DMXL2: variants seen among roughly 807,000 people sequenced by gnomAD.
The protein encoded by DMXL2 is Dmx like 2.
DMXL2 carries 103 observed loss-of-function variants against 331.1 expected under a neutral mutation model. The observed-to-expected ratio is 0.31, with a 90% CI of 0.27 to 0.37. DMXL2 has a LOEUF of 0.37. Among genes scored for constraint, DMXL2 ranks in the 10% least tolerant of loss-of-function variants. DMXL2 has a pLI of 1.00. For synonymous variants in DMXL2, 1,281 were observed against 1,252.1 expected, an observed-to-expected ratio of 1.02 and a Z score of -0.49; for missense variants, 3,171 against 3,642.9, an observed-to-expected ratio of 0.87 and a Z score of 3.33.
intron 22 of DMXL2, among the ~76,000 whole-genome samples, chr15:51,487,733 C>T (rs1350944716): frequency 6.6e-6 from 1 of 152,196 alleles, no homozygotes; most frequent in African/African-American, 2.4e-5. Flanking sequence ...GCTGGGATTA[C>T]AGGCGTGAGC....
At chr15:51,507,951 A>T (rs1280938043) in intron 15 of DMXL2, among the ~76,000 whole-genome samples, 1 of 152,208 alleles carries the variant, frequency 6.6e-6, no homozygotes, top group African/African-American at 2.4e-5. Context: ...GATTCTTCAT[A>T]ACTGAAAATG....
intron 6 of DMXL2, among the ~76,000 whole-genome samples, chr15:51,553,591 C>T (rs577973123): frequency 1.3e-5 from 2 of 152,200 alleles, no homozygotes; most frequent in Non-Finnish European, 2.9e-5. Flanking sequence ...CCACCCAAGA[C>T]AGCAAGACCA....
intron 1 of DMXL2, among the ~76,000 whole-genome samples, chr15:51,592,030 C>A (rs1469251622): frequency 1.3e-5 from 2 of 152,226 alleles, no homozygotes; most frequent in African/African-American, 4.8e-5. Context: ...CAAAGGAAAG[C>A]AGCTCCTCAT....
intron 14 of DMXL2, 82 bp downstream of exon 14, chr15:51,516,996 T>C: frequency 2.8e-6 from 3 of 1,064,852 alleles, no homozygotes; most frequent in Non-Finnish European, 4.2e-6. Context: ...AAAATTATTC[T>C]GAGAATGACA....
intron 2 of DMXL2, among the ~76,000 whole-genome samples, chr15:51,569,517 C>CG (rs2050518783): frequency 1.3e-5 from 2 of 152,184 alleles, no homozygotes; most frequent in African/African-American, 4.8e-5. Context: ...CCCTGACCCC[C>CG]CCGTGTACCC....
chr15:51,449,047 C>G lies in DMXL2; in HGVS notation c.9114G>C (p.Thr3038=). The G allele has an allele frequency of 5.6e-6, 9 of 1,614,162 alleles. No individual in the cohort carries two copies. Among genetic ancestry groups the G allele is most frequent in the Non-Finnish European group, 5.9e-6 (7 of 1,180,024 alleles). ...CATTGGGCAAAACCCTGGTTTTCAG[C>G]GTGCCATCTGCACCACAGGAGAAGA... is the stretch of plus-strand genomic sequence containing the variant. ...NRLFSCGADG[T]LKTRVLPNAF... Residue 3038 remains threonine, a synonymous_variant, in exon 44 of 44, where the codon ACG becomes ACC. Transcript: ENST00000560891.
chr15:51,535,601 C>A (rs2048244633), intron 13 of DMXL2, 62 bp downstream of exon 13: 2 of 1,482,580 alleles, frequency 1.3e-6, no homozygotes, highest in Non-Finnish European at 1.8e-6. Flanking sequence ...AGGTCCTAGA[C>A]AAAGTCAAAA....
intron 19 of DMXL2, among the ~76,000 whole-genome samples, chr15:51,494,737 A>G (rs1418878822): frequency 6.6e-6 from 1 of 152,192 alleles, no homozygotes; most frequent in East Asian, 1.9e-4. Context: ...GCTACTCTGT[A>G]GACAGCCACT....
At chr15:51,621,970 T>C (rs1412292949) in intron 1 of DMXL2, among the ~76,000 whole-genome samples, 1 of 152,130 alleles carries the variant, frequency 6.6e-6, no homozygotes, top group Non-Finnish European at 1.5e-5. Flanking sequence ...CAGCAGCTCC[T>C]CGCTGCCCTA....
intron 13 of DMXL2, among the ~76,000 whole-genome samples, chr15:51,526,246 A>G (rs1001394262): frequency 1.3e-4 from 20 of 152,080 alleles, no homozygotes; most frequent in African/African-American, 4.8e-4. Context: ...AAAGAAGAGA[A>G]CAAGAGTCTC....
intron 34 of DMXL2, 105 bp from the exon 35 acceptor site, chr15:51,458,900 C>T (rs76476368): frequency 1.1e-5 from 1 of 93,138 alleles, no homozygotes; most frequent in Admixed American, 1.8e-4. Flanking sequence ...AATGTAGCAG[C>T]AGCAGCAGCA....
chr15:51,452,515 G>A (rs1266727287), intron 41 of DMXL2, among the ~76,000 whole-genome samples: 2 of 152,050 alleles, frequency 1.3e-5, no homozygotes, highest in East Asian at 1.9e-4. Context: ...CTAATTACCA[G>A]GAAAATGCAA....
At position 51,452,292 on chromosome 15, in the gene DMXL2, A is replaced by T. The variant is rs185549253; in HGVS notation, c.8697-595T>A. Among the ~76,000 whole-genome samples the T allele has an allele frequency of 4.9e-4, 74 of 152,318 alleles. 1 individual carries two copies. Among genetic ancestry groups the T allele is most frequent in the African/African-American group, 1.7e-3 (72 of 41,576 alleles). ...CAACAAAAATAAATAAATGGGACCT[A>T]ATTAAACTAAAACACTTCTGCACAG... On this transcript the variant is annotated intron_variant, in intron 41 of 43. Coordinates refer to ENST00000560891, the MANE Select transcript of DMXL2 (RefSeq NM_001378457.1).
intron 9 of DMXL2, among the ~76,000 whole-genome samples, chr15:51,539,223 GAAGA>G (rs1029456619): frequency 3.8e-4 from 58 of 151,434 alleles, no homozygotes; most frequent in African/African-American, 1.1e-3. Context: ...AAAAAAAAAG[GAAGA>G]AAGAAAGAAA....
At chr15:51,611,339 T>A (rs1176122648) in intron 1 of DMXL2, among the ~76,000 whole-genome samples, 1 of 151,824 alleles carries the variant, frequency 6.6e-6, no homozygotes, top group Non-Finnish European at 1.5e-5. Context: ...TTTATACTCA[T>A]AAATTTGAAA....
At chr15:51,604,794 A>C (rs1483758838) in intron 1 of DMXL2, among the ~76,000 whole-genome samples, 5 of 152,158 alleles carry the variant, frequency 3.3e-5, no homozygotes, top group African/African-American at 1.2e-4. Flanking sequence ...AAACAATTGT[A>C]AAAAAAGAGA....
intron 13 of DMXL2, among the ~76,000 whole-genome samples, chr15:51,526,985 G>A (rs936806754): frequency 7.9e-5 from 12 of 152,186 alleles, no homozygotes; most frequent in African/African-American, 2.9e-4. Context: ...CAAAGGGATA[G>A]TAACAGGGAA....
intron 19 of DMXL2, among the ~76,000 whole-genome samples, chr15:51,493,438 T>C (rs1032918366): frequency 6.6e-6 from 1 of 152,142 alleles, no homozygotes; most frequent in Non-Finnish European, 1.5e-5. Flanking sequence ...TTTGAAAACC[T>C]GCAGAGGTGA....
intron 36 of DMXL2, 111 bp from the exon 37 acceptor site, chr15:51,457,577 G>A (rs1474212476): frequency 7.7e-7 from 1 of 1,300,072 alleles, no homozygotes; most frequent in Non-Finnish European, 1.0e-6. Context: ...TAAAAACTAA[G>A]TAGCCATGAG....
Sources: allele counts gnomAD v4.1 joint callset (sites outside exome capture counted in the v4.1 genomes callset), GRCh38; gene constraint gnomAD v4.1.1; transcripts MANE v1.5; gene names NCBI Gene and HGNC (gene_info 2026-07-23, HGNC 2026-07-21).